The following PHACTR2 variants were observed in gnomAD, a reference collection of about 807,000 sequenced individuals.
PHACTR2 encodes the protein chromosome 6 open reading frame 56.
PHACTR2 carries 30 observed loss-of-function variants against 76.0 expected under a neutral mutation model. That is an observed-to-expected ratio of 0.39 (90% CI 0.30 to 0.54). The LOEUF (loss-of-function observed/expected upper bound fraction) is 0.54. PHACTR2 is among the 20% of genes least tolerant of loss of function. The pLI is 0.61. For missense variants in PHACTR2, 696 were observed against 781.1 expected, an observed-to-expected ratio of 0.89 and a Z score of 1.30; for synonymous variants, 292 against 292.5, an observed-to-expected ratio of 1.00 and a Z score of 0.02.
At chr6:143,604,109 A>G (rs1432770373), upstream of PHACTR2, among the ~76,000 whole-genome samples, 3 of 151,920 alleles carry the variant, frequency 2.0e-5, no homozygotes, top group Non-Finnish European at 4.4e-5. Flanking sequence ...AAAAAAAAAA[A>G]AAAAAGAGAA....
At chr6:143,573,399 A>G (rs969571578) in intron 1 of PHACTR2, among the ~76,000 whole-genome samples, 4 of 152,112 alleles carry the variant, frequency 2.6e-5, no homozygotes, top group African/African-American at 9.7e-5. Context: ...TCTCTATTCC[A>G]TGGAGGTCCC....
At chr6:143,631,126 C>T (rs1695657814) in intron 1 of PHACTR2, among the ~76,000 whole-genome samples, 1 of 152,158 alleles carries the variant, frequency 6.6e-6, no homozygotes, top group African/African-American at 2.4e-5. Context: ...ATCTAACATG[C>T]CATATGTTAC....
At chr6:143,808,422 C>T (rs1394367108) in intron 12 of PHACTR2, among the ~76,000 whole-genome samples, 1 of 152,084 alleles carries the variant, frequency 6.6e-6, no homozygotes, top group Admixed American at 6.6e-5. Flanking sequence ...AGCCACCACA[C>T]CCAGCCCAAA....
rs897153042 is a variant in PHACTR2 at position 143,809,088 on chromosome 6, C to T, written c.1922+1955C>T. ...TGCACTCAACCCATACATTATCATT[C>T]GGGATAGTTTTGCTTCTGCATAGTT... On this transcript the variant is annotated intron_variant, in intron 12 of 12. Transcript: ENST00000440869. This position sits in a 1 kb window ranked among gnomAD's most constrained non-coding sequence, Gnocchi z 4.2. 2.0e-5 allele frequency among the ~76,000 whole-genome samples: 3 copies of T among 152,274 alleles called. No individual in the cohort carries two copies. The highest frequency in any genetic ancestry group is 1.9e-4 in the East Asian group (1 of 5,184).
At chr6:143,749,172 C>A in intron 3 of PHACTR2, 107 bp downstream of exon 3, 5 of 641,120 alleles carry the variant, frequency 7.8e-6, no homozygotes, top group Non-Finnish European at 1.4e-5. Context: ...TAAGGTAAAG[C>A]GGTGATTACT....
chr6:143,742,065 A>C lies in PHACTR2; in HGVS notation c.215-6920A>C, dbSNP rs950447405. On this transcript the variant is annotated intron_variant, in intron 2 of 12. Coordinates refer to ENST00000440869, the MANE Select transcript of PHACTR2 (RefSeq NM_001100164.2). This position sits in a 1 kb window ranked among gnomAD's most constrained non-coding sequence, Gnocchi z 4.5. ...GGTTGCAGTGAGCTGGGATCGCGCCACTGCACTGCAGCCTGGGTGACAAGA... is the reference window on the plus strand; with the variant it reads ...GGTTGCAGTGAGCTGGGATCGCGCCCCTGCACTGCAGCCTGGGTGACAAGA... 6.6e-6 allele frequency among the ~76,000 whole-genome samples: 1 copy of C among 152,052 alleles called. No homozygotes were observed. Among genetic ancestry groups the C allele is most frequent in the African/African-American group, 2.4e-5 (1 of 41,416 alleles).
intron 2 of PHACTR2, among the ~76,000 whole-genome samples, chr6:143,721,749 A>G (rs573635071): frequency 7.1e-4 from 108 of 151,682 alleles, no homozygotes; most frequent in African/African-American, 2.5e-3. Flanking sequence ...ATCTATTGTC[A>G]GTTTCAGAGT....
rs768791011 is a variant in PHACTR2, at chr6:143,658,385, C to T, written c.13+50063C>T. ...GGTTCTCCTGTGCAGTATTTGAAAA[C>T]GAATTACAGCACTCAGTCTCTTTTT... On this transcript the variant is annotated intron_variant, in intron 1 of 11. Transcript: ENST00000305766. The surrounding 1 kb of genome is among the most constrained non-coding windows in gnomAD (Gnocchi z 4.1). Among the ~76,000 whole-genome samples the T allele has an allele frequency of 6.6e-5, 10 of 152,120 alleles. No individual in the cohort carries two copies. The highest frequency in any genetic ancestry group is 4.6e-4 in the Admixed American group (7 of 15,274).
In PHACTR2 at chr6:143,608,910, T is replaced by C. The variant is rs948067718; in HGVS notation, c.13+588T>C. 2.0e-5 allele frequency among the ~76,000 whole-genome samples: 3 copies of C among 152,232 alleles called. No individual in the cohort carries two copies. The highest frequency in any genetic ancestry group is 4.4e-5 in the Non-Finnish European group (3 of 68,038). On this transcript the variant is annotated intron_variant, in intron 1 of 11. Transcript: ENST00000305766. This position sits in a 1 kb window ranked among gnomAD's most constrained non-coding sequence, Gnocchi z 4.6. ...ACTTGATAACTAGACAAACAGATGA[T>C]TGAAGTATGTTAATGTCAATTAAAT...
At chr6:143,747,596 A>G (rs527245613) in intron 2 of PHACTR2, among the ~76,000 whole-genome samples, 1 of 152,366 alleles carries the variant, frequency 6.6e-6, no homozygotes, top group East Asian at 1.9e-4. Context: ...GGATTTGCAG[A>G]TAATGAGCCC....
rs760684066 is a variant in PHACTR2 at position 143,788,794 on chromosome 6, G to T, written c.1729G>T (p.Ala577Ser). 2.5e-5 allele frequency: 40 copies of T among 1,612,646 alleles called. 1 individual carries two copies. The highest frequency in any genetic ancestry group is 3.2e-5 in the Non-Finnish European group (38 of 1,178,966). ...GCAGCTCAGCCTGAGACCCACAGTGGCAGAGCTACAAGCTCGAAGGATCCT... is the reference window on the plus strand; with the variant it reads ...GCAGCTCAGCCTGAGACCCACAGTGTCAGAGCTACAAGCTCGAAGGATCCT... The part of the protein sequence containing the change: ...SRKLSLRPTV[A>S]ELQARRILRF... The change falls in exon 11 of 13, where the codon GCA (alanine) becomes TCA (serine). Residue 577 changes from alanine (A) to serine (S), a missense_variant. Ala to Ser is a moderately conservative substitution (Grantham distance 99). Transcript: ENST00000440869.
intron 12 of PHACTR2, among the ~76,000 whole-genome samples, chr6:143,812,816 T>C (rs974527026): frequency 2.6e-5 from 4 of 152,218 alleles, no homozygotes; most frequent in African/African-American, 7.2e-5. Context: ...GATAGTATCA[T>C]TGCATTCTCG....
intron 1 of PHACTR2, among the ~76,000 whole-genome samples, chr6:143,575,494 T>C (rs1259476040): frequency 6.6e-6 from 1 of 152,200 alleles, no homozygotes. Context: ...AAGATGGACT[T>C]GGAGAAAAAG....
upstream of PHACTR2, chr6:143,608,045 G>A (rs1775906920): frequency 1.9e-6 from 1 of 527,324 alleles, no homozygotes; most frequent in Admixed American, 3.2e-5. The surrounding 1 kb of genome is among the most constrained non-coding windows in gnomAD (Gnocchi z 4.6). Flanking sequence ...CCTTAGCTTA[G>A]AGCAGAGGTG....
At position 143,777,533 on chromosome 6, in the gene PHACTR2, G is replaced by A. The variant is rs530195146; in HGVS notation, c.1645+150G>A. ...ATTTATGTCACATTTATATGTAATTGTTTATATATTTTTTTAATTTCTTGA... is the reference window on the plus strand; with the variant it reads ...ATTTATGTCACATTTATATGTAATTATTTATATATTTTTTTAATTTCTTGA... On this transcript the variant is annotated intron_variant, in intron 9 of 12. Transcript: ENST00000440869. The surrounding 1 kb of genome is among the most constrained non-coding windows in gnomAD (Gnocchi z 4.6). The A allele has an allele frequency of 9.5e-6, 4 of 420,436 alleles. No individual in the cohort carries two copies. Among genetic ancestry groups the A allele is most frequent in the African/African-American group, 8.2e-5 (4 of 48,728 alleles). 26.0% of individuals were successfully genotyped at this position (420,436 alleles called of 1,614,324 possible).
intron 1 of PHACTR2, among the ~76,000 whole-genome samples, chr6:143,670,786 A>G (rs1777140100): frequency 6.6e-6 from 1 of 152,120 alleles, no homozygotes; most frequent in Non-Finnish European, 1.5e-5. Flanking sequence ...ATTGGGTTAG[A>G]ACATGCTCCT....
chr6:143,756,186 G>A (rs186002634), intron 4 of PHACTR2, among the ~76,000 whole-genome samples: 2 of 152,180 alleles, frequency 1.3e-5, no homozygotes, highest in East Asian at 3.9e-4. Flanking sequence ...GTCAAAGAAA[G>A]CAAAACAAAT....
rs547467316 is a variant in PHACTR2 at position 143,548,637 on chromosome 6, G to A, written c.217+11430G>A. On this transcript the variant is annotated intron_variant, in intron 1 of 11. Transcript: ENST00000367584. The surrounding 1 kb of genome is among the most constrained non-coding windows in gnomAD (Gnocchi z 4.5). ...GGGTGTATTCTTGCAGGTGTGGAGA[G>A]CACAGTTCCTCGATGAGAGGTGGGG... is the stretch of plus-strand genomic sequence containing the variant. Among the ~76,000 whole-genome samples, 47 of 152,146 alleles carry A rather than the reference G, an allele frequency of 3.1e-4. No homozygotes were observed. Among genetic ancestry groups the A allele is most frequent in the African/African-American group, 1.1e-3 (47 of 41,544 alleles).
rs576105217 is a variant in PHACTR2, at chr6:143,759,317, T to G, written c.455-1084T>G. ...TTACATTACAAAATAGACCTAAGTA[T>G]TTCTTCGATTCGGCACCATCTAGAT... On this transcript the variant is annotated intron_variant, in intron 4 of 12. Transcript: ENST00000440869. 6.6e-5 allele frequency among the ~76,000 whole-genome samples: 10 copies of G among 152,354 alleles called. No homozygotes were observed. The South Asian group carries it at 1.9e-3, about 28-fold the overall frequency.
Sources: allele counts gnomAD v4.1 joint callset (sites outside exome capture counted in the v4.1 genomes callset), GRCh38; gene constraint gnomAD v4.1.1; non-coding constraint Gnocchi (gnomAD v3.1); transcripts MANE v1.5; gene names NCBI Gene and HGNC (gene_info 2026-07-23, HGNC 2026-07-21).